Variants in GNAZ observed in about 807,000 individuals in gnomAD.
GNAZ encodes guanine nucleotide-binding protein G(z) subunit alpha.
Under a neutral mutation model 25.4 loss-of-function variants are expected in GNAZ, and 3 were observed. The ratio of observed to expected loss-of-function variants is 0.12; its 90% confidence interval spans 0.05 to 0.30. GNAZ has a LOEUF of 0.30. Ranked by LOEUF, GNAZ falls within the 10% of genes least tolerant of loss-of-function variation. The probability of loss-of-function intolerance (pLI) is 1.00; values close to 1 mark genes in which losing one functional copy is unlikely to be tolerated. For synonymous variants in GNAZ, 211 were observed against 205.7 expected, an observed-to-expected ratio of 1.03 and a Z score of -0.22; for missense variants, 241 against 501.8, an observed-to-expected ratio of 0.48 and a Z score of 4.97.
At chr22:23,122,763 C>G (rs1452390571) in intron 2 of GNAZ, 4 of 348,968 alleles carry the variant, frequency 1.1e-5, no homozygotes, top group Admixed American at 4.2e-5. Flanking sequence ...CTGGAGGTGC[C>G]CAGCGGTTTA....
intron 1 of GNAZ, among the ~76,000 whole-genome samples, chr22:23,094,981 TG>T (rs2069081831): frequency 6.6e-6 from 1 of 152,202 alleles, no homozygotes. Flanking sequence ...GCATGGGGGC[TG>T]GGTGGGCAGA....
chr22:23,100,176 C>G (rs1009029988), intron 2 of GNAZ, among the ~76,000 whole-genome samples: 3 of 152,232 alleles, frequency 2.0e-5, no homozygotes, highest in African/African-American at 7.2e-5. Flanking sequence ...CCCAGCAGCA[C>G]AGGGAACTGG....
intron 2 of GNAZ, among the ~76,000 whole-genome samples, chr22:23,120,027 C>T (rs2069966803): frequency 1.3e-5 from 2 of 152,168 alleles, no homozygotes; most frequent in African/African-American, 4.8e-5. Context: ...GAGGGAAGGG[C>T]CCACACTCGG....
intron 2 of GNAZ, chr22:23,122,429 GCAGCTGGTGGGAGTGCCCA>G (rs1222401841): frequency 6.5e-6 from 1 of 152,860 alleles, no homozygotes; most frequent in Non-Finnish European, 1.5e-5. Flanking sequence ...ATGCCCCACA[GCAGCTGGTGGGAGTGCCCA>G]CAGCTGGAGG....
At chr22:23,094,118 C>T (rs2069058701) in intron 1 of GNAZ, among the ~76,000 whole-genome samples, 1 of 152,150 alleles carries the variant, frequency 6.6e-6, no homozygotes, top group Admixed American at 6.5e-5. Flanking sequence ...CACCCCAGGG[C>T]CTGTCACAGA....
At chr22:23,077,082 C>T (rs1399875186) in intron 1 of GNAZ, among the ~76,000 whole-genome samples, 3 of 152,090 alleles carry the variant, frequency 2.0e-5, no homozygotes, top group Non-Finnish European at 4.4e-5. Flanking sequence ...GGGAAAGAGT[C>T]ATGGTCGATT....
At chr22:23,102,347 C>G (rs2069327710) in intron 2 of GNAZ, among the ~76,000 whole-genome samples, 1 of 152,190 alleles carries the variant, frequency 6.6e-6, no homozygotes, top group Non-Finnish European at 1.5e-5. Context: ...TGTCCTGGCA[C>G]CTATTTGAGG....
At chr22:23,085,172 A>G (rs2068784609) in intron 1 of GNAZ, among the ~76,000 whole-genome samples, 1 of 152,074 alleles carries the variant, frequency 6.6e-6, no homozygotes, top group African/African-American at 2.4e-5. Flanking sequence ...AGCTCTGGGA[A>G]TCACCCCACC....
chr22:23,118,805 G>A (rs2069927015), intron 2 of GNAZ, among the ~76,000 whole-genome samples: 1 of 152,242 alleles, frequency 6.6e-6, no homozygotes, highest in South Asian at 2.1e-4. Context: ...GTGGCCCACA[G>A]GTGGGCTGCA....
chr22:23,123,675 A>G lies in GNAZ; in HGVS notation c.*244A>G. 3.8e-6 allele frequency: 2 copies of G among 530,016 alleles called. No homozygotes were observed. The highest frequency in any genetic ancestry group is 6.8e-6 in the Non-Finnish European group (2 of 294,652). The allele number at this position is 530,016 out of a possible 1,614,324, so 32.8% of individuals were successfully genotyped here. Reference sequence around the variant, plus strand: ...TCTGGAGATGGCAAAATCCTCTAAAATGTCGAGGTCTCTTGAAGACTTGAG... The same window carrying G: ...TCTGGAGATGGCAAAATCCTCTAAAGTGTCGAGGTCTCTTGAAGACTTGAG... On this transcript the variant is annotated 3_prime_UTR_variant, in exon 3 of 3. Coordinates refer to ENST00000615612, the MANE Select transcript of GNAZ (RefSeq NM_002073.4).
chr22:23,081,949 C>T (rs923428892), intron 1 of GNAZ, among the ~76,000 whole-genome samples: 43 of 150,564 alleles, frequency 2.9e-4, no homozygotes, highest in Admixed American at 3.3e-4. Context: ...CACAGTGAAA[C>T]CTCATCTCTA....
Position 23,096,548 on chromosome 22 carries a change from C to T in GNAZ, c.723+130C>T, listed in dbSNP as rs1174466185. On this transcript the variant is annotated intron_variant, in intron 2 of 2. Transcript: ENST00000615612. ...CAGGCGCAGGCCTGGCCCTGCTGCA[C>T]GATAACTGAGGCAGCTCCAGCAAGG... 1.7e-5 allele frequency: 16 copies of T among 963,698 alleles called. No homozygotes were observed. The Admixed American group carries it at 2.5e-4, about 15-fold the overall frequency. 59.7% of individuals were successfully genotyped at this position (963,698 alleles called of 1,614,324 possible).
chr22:23,091,780 G>A (rs913270173), intron 1 of GNAZ, among the ~76,000 whole-genome samples: 7 of 152,202 alleles, frequency 4.6e-5, no homozygotes, highest in South Asian at 2.1e-4. Flanking sequence ...TTTCAGTGGC[G>A]TCCTGTTTCT....
intron 2 of GNAZ, among the ~76,000 whole-genome samples, chr22:23,117,610 G>A (rs1411322456): frequency 6.6e-6 from 1 of 152,240 alleles, no homozygotes; most frequent in East Asian, 1.9e-4. Flanking sequence ...GGTGTGGCGT[G>A]GAGAGGGCCC....
At chr22:23,079,298 G>A (rs1483077842) in intron 1 of GNAZ, among the ~76,000 whole-genome samples, 1 of 152,234 alleles carries the variant, frequency 6.6e-6, no homozygotes, top group Admixed American at 6.5e-5. Context: ...CCTAAGGAAG[G>A]GACATCTGAG....
intron 2 of GNAZ, among the ~76,000 whole-genome samples, chr22:23,107,961 C>G (rs969339553): frequency 1.3e-5 from 2 of 152,154 alleles, no homozygotes; most frequent in Non-Finnish European, 2.9e-5. Context: ...AGGCCCAGCC[C>G]GAGTCCCTTC....
chr22:23,122,742 G>C (rs975501995), intron 2 of GNAZ: 1 of 302,148 alleles, frequency 3.3e-6, no homozygotes, highest in African/African-American at 2.1e-5. Flanking sequence ...GAAGATGGGG[G>C]GTCCTCGGAG....
chr22:23,119,875 C>T (rs1032278328), intron 2 of GNAZ, among the ~76,000 whole-genome samples: 1 of 152,216 alleles, frequency 6.6e-6, no homozygotes, highest in Admixed American at 6.5e-5. Context: ...TTATTTGAGG[C>T]CCATCATCTC....
chr22:23,118,793 CAGT>C (rs1267865714), intron 2 of GNAZ, among the ~76,000 whole-genome samples: 2 of 152,252 alleles, frequency 1.3e-5, no homozygotes, highest in Non-Finnish European at 2.9e-5. Context: ...AGCTCTACCC[CAGT>C]GGCCCACAGG....
Sources: allele counts gnomAD v4.1 joint callset (sites outside exome capture counted in the v4.1 genomes callset), GRCh38; gene constraint gnomAD v4.1.1; transcripts MANE v1.5; gene names NCBI Gene and HGNC (gene_info 2026-07-23, HGNC 2026-07-21).